NETO1: variants seen among roughly 807,000 people sequenced by gnomAD.
NETO1 encodes the protein neuropilin and tolloid like 1.
Under a neutral mutation model 61.3 loss-of-function variants are expected in NETO1, and 26 were observed. The ratio of observed to expected loss-of-function variants is 0.42; its 90% CI spans 0.31 to 0.59. The LOEUF (loss-of-function observed/expected upper bound fraction) is 0.59, where lower values mean the gene tolerates loss of function less well. Among genes scored for constraint, NETO1 ranks in the 20% least tolerant of loss-of-function variants. NETO1 has a pLI of 0.12. For missense variants in NETO1, 531 were observed against 662.8 expected (o/e 0.80, Z 2.18); for synonymous variants, 225 against 225.8 (o/e 1.00, Z 0.03).
intron 4 of NETO1, among the ~76,000 whole-genome samples, chr18:72,828,109 T>C (rs965928882): frequency 6.6e-6 from 1 of 152,178 alleles, no homozygotes; most frequent in Non-Finnish European, 1.5e-5. Context: ...GCTCAGGAGT[T>C]CGAGACCAGC....
Position 72,750,058 on chromosome 18 carries a change from T to C in NETO1, c.1541+4A>G. ...TTGTCATCAAAAAATCTATTGATAC[T>C]GACCGCTGGACGGCTTTATCGTGTC... On this transcript the variant is annotated splice_donor_region_variant and intron_variant, in intron 9 of 10. Coordinates refer to ENST00000327305, the MANE Select transcript of NETO1 (RefSeq NM_138966.5). 12 of 1,554,862 alleles carry C rather than the reference T, an allele frequency of 7.7e-6. No homozygotes were observed. The highest frequency in any genetic ancestry group is 1.0e-5 in the Non-Finnish European group (12 of 1,150,622).
At position 72,744,380 on chromosome 18, in the gene NETO1, T is replaced by C. The variant is rs1289641117; in HGVS notation, c.*3799A>G. On this transcript the variant is annotated 3_prime_UTR_variant, in exon 11 of 11. Coordinates refer to ENST00000327305, the MANE Select transcript of NETO1 (RefSeq NM_138966.5). The stretch of plus-strand genomic sequence containing the variant: ...AACATTTCTGGCTATTTTAACAGTG[T>C]ACTTTTATTTTTCTACCTTATTACA... 1 of 152,198 alleles carries C rather than the reference T, an allele frequency of 6.6e-6. No individual in the cohort carries two copies. Among genetic ancestry groups the C allele is most frequent in the African/African-American group, 2.4e-5 (1 of 41,458 alleles). The allele number at this position is 152,198 out of a possible 1,614,324, so 9.4% of individuals were successfully genotyped here.
At chr18:72,824,104 A>G (rs1281792507) in intron 4 of NETO1, among the ~76,000 whole-genome samples, 1 of 152,250 alleles carries the variant, frequency 6.6e-6, no homozygotes, top group African/African-American at 2.4e-5. Flanking sequence ...TTTGTTCTAA[A>G]GTAATAATGT....
rs868601941 is a variant in NETO1 at position 72,772,803 on chromosome 18, C to A, written c.868+10875G>T. ...CAGATCTCTATATAGTTCTCTCTCT[C>A]TCTCTCTCTCTCTCTCTCTCTCTAT... On this transcript the variant is annotated intron_variant, in intron 7 of 10. Transcript: ENST00000327305. Among the ~76,000 whole-genome samples, 40 of 48,032 alleles carry A rather than the reference C, an allele frequency of 8.3e-4. 1 individual carries two copies. Among genetic ancestry groups the A allele is most frequent in the South Asian group, 1.3e-3 (1 of 786 alleles). The allele number at this position is 48,032 out of a possible 152,430, so 31.5% of individuals were successfully genotyped here. A position where few individuals can be genotyped will look rare whatever the true frequency, so the allele number is the denominator to read the frequency against.
At chr18:72,866,136 T>A (rs1416366235) in intron 1 of NETO1, among the ~76,000 whole-genome samples, 2 of 152,212 alleles carry the variant, frequency 1.3e-5, no homozygotes, top group Admixed American at 6.5e-5. Flanking sequence ...AATTTGATTT[T>A]TCTTCTATTT....
chr18:72,842,424 GTGA>G lies in NETO1; in HGVS notation c.469+16399_469+16401del, dbSNP rs951139613. Among the ~76,000 whole-genome samples the G allele has an allele frequency of 1.4e-4, 21 of 151,802 alleles. 1 individual carries two copies. Among genetic ancestry groups the G allele is most frequent in the Admixed American group, 2.6e-4 (4 of 15,232 alleles). ...ATTTTTGATGGCTAATATGGCGATG[GTGA>G]TGATGATGATGATGATGCCACCAAT... On this transcript the variant is annotated intron_variant, in intron 4 of 10. Coordinates refer to ENST00000327305, the MANE Select transcript of NETO1 (RefSeq NM_138966.5).
At chr18:72,764,646 T>C (rs6566652) in intron 7 of NETO1, among the ~76,000 whole-genome samples, 111,674 of 152,018 alleles carry the variant, frequency 0.73, 41,228 homozygotes, top group African/African-American at 0.79. Context: ...TTACCCTGAA[T>C]ATTGAAATTC....
intron 4 of NETO1, among the ~76,000 whole-genome samples, chr18:72,824,914 G>T (rs538589099): frequency 6.6e-6 from 1 of 151,982 alleles, no homozygotes; most frequent in East Asian, 1.9e-4. Context: ...TAAAAATAAA[G>T]AGATTTGGGA....
intron 4 of NETO1, among the ~76,000 whole-genome samples, chr18:72,810,988 A>G (rs2072848751): frequency 6.6e-6 from 1 of 152,224 alleles, no homozygotes; most frequent in Non-Finnish European, 1.5e-5. Flanking sequence ...AACAAAATAA[A>G]TGTGACTACT....
At chr18:72,865,667 A>G in intron 1 of NETO1, 1 of 1,568,620 alleles carries the variant, frequency 6.4e-7, no homozygotes, top group Non-Finnish European at 8.7e-7. Context: ...GAACAGCTCC[A>G]TGACTGTTCC....
At chr18:72,847,931 G>A (rs2145550822) in intron 4 of NETO1, among the ~76,000 whole-genome samples, 2 of 152,300 alleles carry the variant, frequency 1.3e-5, no homozygotes, top group Middle Eastern at 6.8e-3. Context: ...GGCCCTAGGG[G>A]AGAATGTTTC....
intron 7 of NETO1, among the ~76,000 whole-genome samples, chr18:72,765,511 C>G (rs1185067176): frequency 6.6e-6 from 1 of 151,996 alleles, no homozygotes; most frequent in African/African-American, 2.4e-5. Flanking sequence ...TTCTGCTGCC[C>G]AGGTTCAAGC....
chr18:72,837,880 TC>T (rs2073803591), intron 4 of NETO1, among the ~76,000 whole-genome samples: 1 of 151,824 alleles, frequency 6.6e-6, no homozygotes, highest in East Asian at 2.0e-4. Context: ...CAAAACATTC[TC>T]CCTCCCCATC....
rs1198920711 is a variant in NETO1 at position 72,750,713 on chromosome 18, TTAAAG to T, written c.983-98_983-94del. On this transcript the variant is annotated intron_variant, in intron 8 of 10. Coordinates refer to ENST00000327305, the MANE Select transcript of NETO1 (RefSeq NM_138966.5). ...TATAGTCAAAATGTGTATTAAAAAC[TTAAAG>T]TAAAGCAGGCTGAGCACAGAATTTT... 5.6e-5 allele frequency: 49 copies of T among 882,146 alleles called. No homozygotes were observed. The Middle Eastern group carries it at 1.6e-3, about 28-fold the overall frequency. The allele number at this position is 882,146 out of a possible 1,614,324, so 54.6% of individuals were successfully genotyped here.
At chr18:72,811,043 T>C (rs747450516) in intron 4 of NETO1, among the ~76,000 whole-genome samples, 2 of 152,196 alleles carry the variant, frequency 1.3e-5, no homozygotes, top group Non-Finnish European at 2.9e-5. Context: ...GAGCTTGCAA[T>C]TATTCTTTGT....
At chr18:72,834,730 T>C in intron 4 of NETO1, 3 of 985,112 alleles carry the variant, frequency 3.0e-6, no homozygotes, top group Non-Finnish European at 2.4e-6. Flanking sequence ...TTTTACTGTT[T>C]GATTGTTTGA....
intron 7 of NETO1, among the ~76,000 whole-genome samples, chr18:72,766,818 C>T (rs899866472): frequency 1.3e-5 from 2 of 151,722 alleles, no homozygotes; most frequent in African/African-American, 2.4e-5. Flanking sequence ...TGAATTTATC[C>T]GTTATTATCA....
At chr18:72,854,397 T>C (rs1352568471) in intron 4 of NETO1, among the ~76,000 whole-genome samples, 2 of 152,084 alleles carry the variant, frequency 1.3e-5, no homozygotes, top group Non-Finnish European at 2.9e-5. Context: ...AAAACTATCA[T>C]TGAAAAGGAA....
At chr18:72,813,915 TG>T (rs1352861680) in intron 4 of NETO1, among the ~76,000 whole-genome samples, 1 of 152,004 alleles carries the variant, frequency 6.6e-6, no homozygotes, top group Non-Finnish European at 1.5e-5. Context: ...CTATACACTA[TG>T]CAGAGAAAAA....
Sources: allele counts gnomAD v4.1 joint callset (sites outside exome capture counted in the v4.1 genomes callset), GRCh38; gene constraint gnomAD v4.1.1; transcripts MANE v1.5; gene names NCBI Gene and HGNC (gene_info 2026-07-23, HGNC 2026-07-21).